PSPC1: variants seen among roughly 807,000 people sequenced by gnomAD.
PSPC1 encodes paraspeckle component 1, also known as paraspeckle protein 1.
In PSPC1, 14 loss-of-function variants were observed where a neutral mutation model predicts 51.6. The ratio of observed to expected loss-of-function variants is 0.27; its 90% CI spans 0.18 to 0.42. The LOEUF is 0.42. PSPC1 is among the 10% of genes least tolerant of loss of function. PSPC1 has a pLI of 1.00. For missense variants in PSPC1, 406 were observed against 701.1 expected (o/e 0.58, Z 4.75); for synonymous variants, 193 against 231.9 (o/e 0.83, Z 1.53).
At chr13:19,741,803 A>G (rs1885461637) in intron 4 of PSPC1, among the ~76,000 whole-genome samples, 154 bp from the exon 5 acceptor site, 1 of 152,184 alleles carries the variant, frequency 6.6e-6, no homozygotes, top group Non-Finnish European at 1.5e-5. Context: ...ATCCTTTCTG[A>G]GCACGTTTCT....
chr13:19,696,706 G>C (rs1268978579), intron 6 of PSPC1, among the ~76,000 whole-genome samples: 1 of 152,052 alleles, frequency 6.6e-6, no homozygotes, highest in Non-Finnish European at 1.5e-5. Flanking sequence ...TCACCATGAG[G>C]GTAAGTAAAG....
At chr13:19,726,222 C>A (rs1357515710) in intron 6 of PSPC1, among the ~76,000 whole-genome samples, 3 of 152,132 alleles carry the variant, frequency 2.0e-5, no homozygotes, top group African/African-American at 7.2e-5. Flanking sequence ...CCACATCAAG[C>A]ATGCCTTCCA....
intron 2 of PSPC1, 107 bp from the exon 3 acceptor site, chr13:19,759,525 T>C (rs1887415572): frequency 3.8e-6 from 3 of 789,168 alleles, no homozygotes; most frequent in Non-Finnish European, 6.0e-6. Context: ...AGAAAATGTC[T>C]CACTTGAGAA....
intron 6 of PSPC1, among the ~76,000 whole-genome samples, chr13:19,726,320 G>A (rs1026033143): frequency 1.3e-5 from 2 of 152,006 alleles, no homozygotes; most frequent in East Asian, 1.9e-4. Flanking sequence ...TTGAATCTTC[G>A]CTACCAAAAA....
At position 19,688,259 on chromosome 13, in the gene PSPC1, T is replaced by C. The variant is rs141917394; in HGVS notation, c.1159-10436A>G. Reference sequence around the variant, plus strand: ...AGGTTTCATGTGTAATCCGTCAAGGTACCAAAGTATACCTAGCACTACTAC... The same window carrying C: ...AGGTTTCATGTGTAATCCGTCAAGGCACCAAAGTATACCTAGCACTACTAC... On this transcript the variant is annotated intron_variant and NMD_transcript_variant, in intron 6 of 7. Coordinates refer to the PSPC1 transcript ENST00000471658. Among the ~76,000 whole-genome samples, 699 of 152,218 alleles carry C rather than the reference T, an allele frequency of 4.6e-3. 5 individuals carry two copies. The highest frequency in any genetic ancestry group is 0.027 in the South Asian group (128 of 4,822).
At chr13:19,727,405 T>TAAA (rs543334319) in intron 6 of PSPC1, among the ~76,000 whole-genome samples, 1 of 138,788 alleles carries the variant, frequency 7.2e-6, no homozygotes, top group Non-Finnish European at 1.6e-5. Flanking sequence ...AATAAATAAA[T>TAAA]AAAAAAAAAA....
At chr13:19,674,574 A>G (rs548753075), downstream of PSPC1, 12 of 152,368 alleles carry the variant, frequency 7.9e-5, no homozygotes, top group East Asian at 2.3e-3. Flanking sequence ...AGTGCTGGCC[A>G]GGCTTATAAG....
At chr13:19,726,394 T>C (rs1165922832) in intron 6 of PSPC1, among the ~76,000 whole-genome samples, 5 of 152,226 alleles carry the variant, frequency 3.3e-5, no homozygotes, top group Admixed American at 6.5e-5. Context: ...CTAGACACAC[T>C]GAATCAAAAT....
At chr13:19,712,596 C>A (rs997607636) in intron 6 of PSPC1, among the ~76,000 whole-genome samples, 4 of 152,056 alleles carry the variant, frequency 2.6e-5, no homozygotes, top group Admixed American at 6.6e-5. Flanking sequence ...GAACATTCCC[C>A]TTCTGGTGGT....
At chr13:19,710,734 C>T (rs1356681465) in intron 6 of PSPC1, among the ~76,000 whole-genome samples, 1 of 152,036 alleles carries the variant, frequency 6.6e-6, no homozygotes, top group Non-Finnish European at 1.5e-5. Flanking sequence ...AATGAAGCTA[C>T]GGTACAATGA....
intron 6 of PSPC1, among the ~76,000 whole-genome samples, chr13:19,689,460 T>C (rs1028947255): frequency 2.6e-5 from 4 of 152,204 alleles, no homozygotes; most frequent in Admixed American, 6.5e-5. Flanking sequence ...CAAAAGTACT[T>C]AAGACTATAT....
At chr13:19,741,323 T>G (rs949791664) in intron 5 of PSPC1, among the ~76,000 whole-genome samples, 1 of 152,162 alleles carries the variant, frequency 6.6e-6, no homozygotes, top group African/African-American at 2.4e-5. Flanking sequence ...TATAATAAAT[T>G]ACATATAATA....
intron 4 of PSPC1, among the ~76,000 whole-genome samples, chr13:19,746,038 G>A (rs1885944250): frequency 7.1e-6 from 1 of 140,844 alleles, no homozygotes; most frequent in South Asian, 2.3e-4. Context: ...ACGGAGTCTC[G>A]CTCTGTCGCC....
At chr13:19,723,314 TC>T (rs1432223312) in intron 6 of PSPC1, among the ~76,000 whole-genome samples, 1 of 152,170 alleles carries the variant, frequency 6.6e-6, no homozygotes, top group East Asian at 1.9e-4. Flanking sequence ...CAATTAAGTG[TC>T]CTCTGATGAA....
chr13:19,693,603 G>A (rs780970584), intron 6 of PSPC1, among the ~76,000 whole-genome samples: 19 of 152,102 alleles, frequency 1.2e-4, no homozygotes, highest in Admixed American at 7.2e-4. Context: ...TTGTATGTAC[G>A]ACCAAACCTT....
At chr13:19,736,364 T>TAATAAAAAAAATCACGC (rs1180274931) in intron 5 of PSPC1, among the ~76,000 whole-genome samples, 1 of 151,908 alleles carries the variant, frequency 6.6e-6, no homozygotes, top group Non-Finnish European at 1.5e-5. Context: ...TGAGATTACA[T>TAATAAAAAAAATCACGC]AATAAAAAAA....
At chr13:19,763,110 A>G (rs1887742974) in intron 2 of PSPC1, among the ~76,000 whole-genome samples, 1 of 152,084 alleles carries the variant, frequency 6.6e-6, no homozygotes, top group South Asian at 2.1e-4. Context: ...TTTCCAAAAA[A>G]AAAAAAACTC....
chr13:19,734,683 TC>T (rs1468728390), intron 5 of PSPC1, among the ~76,000 whole-genome samples: 2 of 152,146 alleles, frequency 1.3e-5, no homozygotes, highest in East Asian at 3.9e-4. Context: ...GTGCCTGTAA[TC>T]CCAGTTACTT....
chr13:19,778,280 T>A (rs973978530), intron 1 of PSPC1, among the ~76,000 whole-genome samples: 4 of 126,028 alleles, frequency 3.2e-5, no homozygotes, highest in African/African-American at 1.0e-4. Context: ...TTTTAGAAGA[T>A]TAATTTTTTA....
Sources: allele counts gnomAD v4.1 joint callset (sites outside exome capture counted in the v4.1 genomes callset), GRCh38; gene constraint gnomAD v4.1.1; transcripts MANE v1.5; gene names NCBI Gene and HGNC (gene_info 2026-07-23, HGNC 2026-07-21).